The following MAF variants were observed in gnomAD, a reference collection of about 807,000 sequenced individuals.
MAF encodes the protein transcription factor Maf.
In MAF, 10 loss-of-function variants were observed where a neutral mutation model predicts 22.0. The ratio of observed to expected loss-of-function variants is 0.45; its 90% CI spans 0.28 to 0.77. The LOEUF (loss-of-function observed/expected upper bound fraction) is 0.77, where lower values mean the gene tolerates loss of function less well. MAF is among the 30% of genes least tolerant of loss of function. MAF has a pLI of 0.12. For missense variants in MAF, 544 were observed against 548.4 expected (o/e 0.99, Z 0.08); for synonymous variants, 337 against 255.8 (o/e 1.32, Z -3.03).
the MAF span, among the ~76,000 whole-genome samples, chr16:79,433,111 C>T: frequency 2.0e-5 from 3 of 152,148 alleles, no homozygotes; most frequent in African/African-American, 4.8e-5. Flanking sequence ...CATAATCCCA[C>T]ATATCATGGT....
At chr16:79,360,876 T>C in the MAF span, among the ~76,000 whole-genome samples, 2 of 152,212 alleles carry the variant, frequency 1.3e-5, no homozygotes, top group East Asian at 1.9e-4. Flanking sequence ...GCTCCTGCCA[T>C]GAAAGCTGAC....
the MAF span, among the ~76,000 whole-genome samples, chr16:79,347,132 C>G: frequency 6.6e-6 from 1 of 152,186 alleles, no homozygotes; most frequent in Non-Finnish European, 1.5e-5. Flanking sequence ...GAGAAACTGG[C>G]CAGGCTATTT....
chr16:79,567,273 G>A, the MAF span, among the ~76,000 whole-genome samples: 9 of 152,150 alleles, frequency 5.9e-5, no homozygotes, highest in Admixed American at 3.3e-4. Context: ...AGCCAAGATC[G>A]TGCCATTGCA....
the MAF span, among the ~76,000 whole-genome samples, chr16:79,568,735 C>T: frequency 6.6e-6 from 1 of 152,122 alleles, no homozygotes; most frequent in Non-Finnish European, 1.5e-5. Context: ...TTTAGTGGAC[C>T]TACAAATTGA....
chr16:79,519,842 A>C, the MAF span, among the ~76,000 whole-genome samples: 1 of 152,176 alleles, frequency 6.6e-6, no homozygotes, highest in African/African-American at 2.4e-5. Context: ...GTGGGGAAAA[A>C]AGGTAGAGTC....
At chr16:79,247,819 T>A in the MAF span, among the ~76,000 whole-genome samples, 2 of 152,220 alleles carry the variant, frequency 1.3e-5, no homozygotes, top group Admixed American at 6.5e-5. Flanking sequence ...TGGAAGATAC[T>A]GTCATAGCAC....
chr16:79,467,271 C>T, the MAF span, among the ~76,000 whole-genome samples: 1 of 152,128 alleles, frequency 6.6e-6, no homozygotes, highest in African/African-American at 2.4e-5. Flanking sequence ...ACCCCTATTA[C>T]AGTCTCTCAC....
chr16:79,212,350 G>C, the MAF span: 2 of 619,386 alleles, frequency 3.2e-6, no homozygotes, highest in Non-Finnish European at 5.3e-6. Flanking sequence ...GGATGACAGT[G>C]ACACCCAGAG....
chr16:79,273,067 T>A, the MAF span, among the ~76,000 whole-genome samples: 2 of 152,222 alleles, frequency 1.3e-5, no homozygotes, highest in African/African-American at 4.8e-5. Flanking sequence ...GTGGGAAAAT[T>A]CACCAAAGTT....
the MAF span, among the ~76,000 whole-genome samples, chr16:79,216,078 C>G: frequency 6.6e-6 from 1 of 152,302 alleles, no homozygotes; most frequent in East Asian, 1.9e-4. Context: ...CCTATTTTAG[C>G]TTATTCTATG....
chr16:79,220,616 T>C, the MAF span, among the ~76,000 whole-genome samples: 1 of 152,224 alleles, frequency 6.6e-6, no homozygotes, highest in African/African-American at 2.4e-5. Context: ...CCACCATGTT[T>C]CATTAATATA....
chr16:79,367,669 C>G, the MAF span, among the ~76,000 whole-genome samples: 21,910 of 152,140 alleles, frequency 0.14, 3,495 homozygotes, highest in African/African-American at 0.39. Context: ...GAAAGGTAGT[C>G]AGTGTGGCCA....
the MAF span, among the ~76,000 whole-genome samples, chr16:79,294,490 G>A: frequency 4.6e-5 from 7 of 152,306 alleles, no homozygotes; most frequent in South Asian, 1.5e-3. Flanking sequence ...TGGCTCAGAT[G>A]CTCCCTAGTT....
At chr16:79,319,901 T>C in the MAF span, among the ~76,000 whole-genome samples, 3 of 152,080 alleles carry the variant, frequency 2.0e-5, no homozygotes, top group East Asian at 1.9e-4. Flanking sequence ...ATCAGGATGG[T>C]TGGAGATGGG....
the MAF span, among the ~76,000 whole-genome samples, chr16:79,434,293 C>T: frequency 6.6e-6 from 1 of 152,210 alleles, no homozygotes; most frequent in South Asian, 2.1e-4. Context: ...CACATACACA[C>T]ACACGGTGAC....
At chr16:79,464,687 G>T in the MAF span, among the ~76,000 whole-genome samples, 4 of 152,198 alleles carry the variant, frequency 2.6e-5, no homozygotes, top group African/African-American at 9.6e-5. Flanking sequence ...ACAACTGGTA[G>T]TAGAAAACAA....
chr16:79,346,265 G>C, the MAF span, among the ~76,000 whole-genome samples: 1 of 149,246 alleles, frequency 6.7e-6, no homozygotes, highest in South Asian at 2.1e-4. Flanking sequence ...ACCTGAGTGA[G>C]AACATGCAGT....
the MAF span, among the ~76,000 whole-genome samples, chr16:79,399,875 A>G: frequency 5.3e-5 from 8 of 152,208 alleles, no homozygotes; most frequent in Non-Finnish European, 1.0e-4. Flanking sequence ...TCATCTCTAA[A>G]GGATCCTAGT....
chr16:79,236,786 T>G, the MAF span, among the ~76,000 whole-genome samples: 1 of 151,782 alleles, frequency 6.6e-6, no homozygotes, highest in Non-Finnish European at 1.5e-5. Flanking sequence ...TCGTTCTTAT[T>G]AGGAGTTAAA....
Sources: allele counts gnomAD v4.1 joint callset (sites outside exome capture counted in the v4.1 genomes callset), GRCh38; gene constraint gnomAD v4.1.1; transcripts MANE v1.5; gene names NCBI Gene and HGNC (gene_info 2026-07-23, HGNC 2026-07-21).